Variants in PEG3 observed in about 807,000 individuals in gnomAD.
PEG3 encodes the protein paternally expressed 3.
A neutral mutation model predicts 35.5 loss-of-function variants in PEG3; 23 were observed. That is an observed-to-expected ratio of 0.65 (90% CI 0.47 to 0.92). The LOEUF (loss-of-function observed/expected upper bound fraction) is 0.92, where lower values mean the gene tolerates loss of function less well. PEG3 is among the 40% of genes least tolerant of loss of function. The pLI is 0.00. For synonymous variants in PEG3, 707 were observed against 697.0 expected (o/e 1.01, Z -0.23); for missense variants, 1,960 against 1,985.3 (o/e 0.99, Z 0.24).
rs746178283 is a variant in PEG3, at chr19:56,814,814, T to A, written c.3628A>T (p.Arg1210Trp). Residue 1210 changes from arginine (R) to tryptophan (W), a missense_variant, in exon 10 of 10, where the codon AGG becomes TGG. Physicochemically the swap from Arg to Trp is moderately radical, Grantham distance 101 (BLOSUM62 -3). Transcript: ENST00000326441. The surrounding 1 kb of genome is among the most constrained non-coding windows in gnomAD (Gnocchi z 5.8). ...GGATTCCTCTCTGCAGCACGATTCC[T>A]CCGTGGCTTCATGGGCAAGAGGGCA... The part of the protein sequence containing the change: ...FIALLPMKPR[R>W]NRAAERNPAL... 1.3e-5 allele frequency: 21 copies of A among 1,614,172 alleles called. No individual in the cohort carries two copies. The highest frequency in any genetic ancestry group is 1.8e-5 in the Non-Finnish European group (21 of 1,180,040).
At chr19:56,824,197 G>C in intron 4 of PEG3, 65 bp downstream of exon 4, 1 of 1,567,680 alleles carries the variant, frequency 6.4e-7, no homozygotes, top group Non-Finnish European at 8.6e-7. Flanking sequence ...GAAGTGTGGA[G>C]GCTGAGAGCC....
chr19:56,833,180 C>T (rs762491743), intron 2 of PEG3: 1 of 517,156 alleles, frequency 1.9e-6, no homozygotes, highest in Non-Finnish European at 3.9e-6. Flanking sequence ...CACATCCCAT[C>T]TGATGCAGGA....
Position 56,815,109 on chromosome 19 carries a change from G to A in PEG3, c.3333C>T (p.Asp1111=), listed in dbSNP as rs267605718. The part of the protein sequence containing the change: ...DPDDKIYECE[D]CGLGFVDLTD... ...TGAGATCCACAAAGCCCAGGCCACA[G>A]TCCTCACATTCATAGATTTTGTCAT... Residue 1111 remains aspartate (D), a synonymous_variant, in exon 10 of 10, where the codon GAC becomes GAT. Coordinates refer to ENST00000326441, the MANE Select transcript of PEG3 (RefSeq NM_006210.3). 6.2e-6 allele frequency: 10 copies of A among 1,613,756 alleles called. No homozygotes were observed. The highest frequency in any genetic ancestry group is 1.7e-5 in the Admixed American group (1 of 60,010).
In PEG3 at chr19:56,811,387, T is replaced by C. The variant is rs11666110; in HGVS notation, c.*2288A>G. On this transcript the variant is annotated 3_prime_UTR_variant, in exon 10 of 10. Transcript: ENST00000326441. ...TTATAACTGTAGTATAAATATACTT[T>C]CGTGTCCTGCTTTCTCCACTTAATG... 98,448 of 867,752 alleles carry C rather than the reference T, an allele frequency of 0.11. 6,089 individuals are homozygous for C. Among genetic ancestry groups the C allele is most frequent in the Admixed American group, 0.16 (2,504 of 16,104 alleles). The allele number at this position is 867,752 out of a possible 1,614,324, so 53.8% of individuals were successfully genotyped here.
chr19:56,830,634 A>T (rs2061486005), intron 2 of PEG3, among the ~76,000 whole-genome samples: 1 of 152,254 alleles, frequency 6.6e-6, no homozygotes, highest in Non-Finnish European at 1.5e-5. Context: ...GGCAAGCATT[A>T]TTTTGAACTA....
chr19:56,819,231 T>G (rs1284050783), intron 7 of PEG3, among the ~76,000 whole-genome samples: 1 of 152,204 alleles, frequency 6.6e-6, no homozygotes, highest in Non-Finnish European at 1.5e-5. Flanking sequence ...CTGGTCAGGA[T>G]GTGACTTAAA....
At chr19:56,822,979 C>G in intron 5 of PEG3, 143 bp from the exon 6 acceptor site, 1 of 1,117,580 alleles carries the variant, frequency 8.9e-7, no homozygotes, top group Non-Finnish European at 1.3e-6. Context: ...TCCAGGTTCC[C>G]AGGCTCATCT....
At chr19:56,827,886 A>C (rs1359885306) in intron 2 of PEG3, among the ~76,000 whole-genome samples, 2 of 152,202 alleles carry the variant, frequency 1.3e-5, no homozygotes, top group Non-Finnish European at 2.9e-5. Context: ...CTAGAAGGAT[A>C]TATAAGAGAC....
At chr19:56,829,617 G>T (rs1446275013) in intron 2 of PEG3, among the ~76,000 whole-genome samples, 1 of 152,208 alleles carries the variant, frequency 6.6e-6, no homozygotes. Flanking sequence ...CTCCTGCAGG[G>T]CTACCTGACA....
At position 56,816,352 on chromosome 19, in the gene PEG3, C is replaced by T. The variant is rs145446759; in HGVS notation, c.2090G>A (p.Ser697Asn). The T allele has an allele frequency of 4.3e-6, 7 of 1,614,040 alleles. No homozygotes were observed. The South Asian group carries it at 5.5e-5, about 13-fold the overall frequency. ...TTTCTGATGCTCACTGAGCTCTGAG[C>T]TTTGCATGAAGGCATCCCGGCCATC... is the stretch of plus-strand genomic sequence containing the variant. ...FTDGRDAFMQSSELSEHQKIH... is the reference protein window; with the variant it reads ...FTDGRDAFMQNSELSEHQKIH... The change falls in exon 10 of 10, where the codon AGC becomes AAC. Residue 697 changes from serine to asparagine, a missense_variant. Ser to Asn is a conservative substitution (Grantham distance 46, BLOSUM62 1). Transcript: ENST00000326441.
At chr19:56,822,005 G>A (rs548704864) in intron 6 of PEG3, among the ~76,000 whole-genome samples, 1 of 152,204 alleles carries the variant, frequency 6.6e-6, no homozygotes, top group East Asian at 1.9e-4. Flanking sequence ...GGTTCAGATT[G>A]TGCCCAAGCT....
At chr19:56,837,627 G>A (rs753900327) in intron 1 of PEG3, among the ~76,000 whole-genome samples, 1 of 152,190 alleles carries the variant, frequency 6.6e-6, no homozygotes, top group Admixed American at 6.5e-5. Context: ...AGATAGCGGG[G>A]GTAGGGCTCA....
rs1476499325 is a variant in PEG3, at chr19:56,814,330, G to C, written c.4112C>G (p.Ala1371Gly). 4 of 1,612,676 alleles carry C rather than the reference G, an allele frequency of 2.5e-6. No homozygotes were observed. Among genetic ancestry groups the C allele is most frequent in the Non-Finnish European group, 3.4e-6 (4 of 1,179,240 alleles). Residue 1371 changes from alanine (A) to glycine (G), a missense_variant, in exon 10 of 10, where the codon GCC becomes GGC. Physicochemically the swap from Ala to Gly is moderately conservative, Grantham distance 60 (BLOSUM62 0). Transcript: ENST00000326441. This position sits in a 1 kb window ranked among gnomAD's most constrained non-coding sequence, Gnocchi z 5.8. ...DEAAAAAAAA[A>G]QEVEANVHVP... ...ATGGACATTGGCTTCAACTTCCTGG[G>C]CTGCTGCTGCTGCAGCTGCTGCTGC...
chr19:56,831,072 A>G (rs549594038), intron 2 of PEG3, among the ~76,000 whole-genome samples: 22 of 152,346 alleles, frequency 1.4e-4, no homozygotes, highest in South Asian at 8.3e-4. Context: ...ACAAACTGAT[A>G]ATCCAGTTCT....
intron 2 of PEG3, 51 bp downstream of exon 2, chr19:56,835,967 G>A (rs991480669): frequency 1.0e-5 from 5 of 494,000 alleles, no homozygotes; most frequent in Non-Finnish European, 1.2e-5. Flanking sequence ...AGGAAGTGCG[G>A]TGGTCACTCC....
chr19:56,813,514 ATTCG>A lies in PEG3; in HGVS notation c.*157_*160del, dbSNP rs1288893810. 4 of 1,432,644 alleles carry A rather than the reference ATTCG, an allele frequency of 2.8e-6. No individual in the cohort carries two copies. The Admixed American group carries it at 1.2e-4, about 41-fold the overall frequency. 88.7% of individuals were successfully genotyped at this position (1,432,644 alleles called of 1,614,324 possible). On this transcript the variant is annotated 3_prime_UTR_variant, in exon 10 of 10. Transcript: ENST00000326441. The stretch of plus-strand genomic sequence containing the variant: ...AAGCTTAAGACTGTGGAATCTGCAC[ATTCG>A]GTCTCTTTTCAATCTGAGTTTAGAG...
intron 2 of PEG3, among the ~76,000 whole-genome samples, chr19:56,831,198 AATATAAGG>A (rs2061538843): frequency 6.6e-6 from 1 of 152,166 alleles, no homozygotes; most frequent in Non-Finnish European, 1.5e-5. Flanking sequence ...TGTTTTTTCC[AATATAAGG>A]ATATAAGCAC....
Position 56,817,417 on chromosome 19 carries a change from G to A in PEG3, c.1025C>T (p.Pro342Leu), listed in dbSNP as rs756792919. The part of the protein sequence containing the change: ...RESSDRSQRF[P>L]RMSDDNWKDI... ...CTTCCAGTTATCATCTGACATTCTG[G>A]GGAATCTCTGTGACCGGTCGCTTGA... The change falls in exon 10 of 10, where the codon CCC becomes CTC. Residue 342 changes from proline to leucine, a missense_variant. Pro to Leu is a moderately conservative substitution (Grantham distance 98). This residue lies in a region of PEG3 where 613 missense variants were observed against 577.1 expected (regional missense o/e 1.06). Transcript: ENST00000326441. The A allele has an allele frequency of 3.1e-6, 5 of 1,613,998 alleles. No homozygotes were observed. The highest frequency in any genetic ancestry group is 1.6e-4 in the Middle Eastern group (1 of 6,062).
chr19:56,816,162 C>T lies in PEG3; in HGVS notation c.2280G>A (p.Gln760=), dbSNP rs748132783. The T allele has an allele frequency of 6.2e-7, 1 of 1,614,072 alleles. No homozygotes were observed. Among genetic ancestry groups the T allele is most frequent in the South Asian group, 1.1e-5 (1 of 91,072 alleles). ...FTISSNPYEN[Q]KIPTKENVYE... ...AGACATTTTCCTTAGTGGGAATCTT[C>T]TGGTTTTCATAGGGGTTAGAGCTAA... Residue 760 remains glutamine, a synonymous_variant, in exon 10 of 10, where the codon CAG becomes CAA. Transcript: ENST00000326441.
Sources: gnomAD v4.1 joint callset for allele counts (sites outside exome capture counted in the v4.1 genomes callset) on GRCh38, gnomAD v4.1.1 for gene constraint, gnomAD v4.1.1 regional missense constraint, Gnocchi (gnomAD v3.1) non-coding constraint, MANE v1.5 for transcripts, NCBI Gene and HGNC (gene_info 2026-07-23, HGNC 2026-07-21) for gene names.